Variants in THSD4 observed in about 807,000 individuals in gnomAD.
THSD4 encodes thrombospondin type 1 domain containing 4, also known as thrombospondin type-1 domain-containing protein 4.
THSD4 carries 69 observed loss-of-function variants against 119.0 expected under a neutral mutation model. The ratio of observed to expected loss-of-function variants is 0.58; its 90% CI spans 0.48 to 0.71. The LOEUF is 0.71. Among genes scored for constraint, THSD4 ranks in the 30% least tolerant of loss-of-function variants. THSD4 has a pLI of 0.00. For synonymous variants in THSD4, 524 were observed against 540.4 expected, an observed-to-expected ratio of 0.97 and a Z score of 0.42; for missense variants, 1,393 against 1,391.1, an observed-to-expected ratio of 1.00 and a Z score of -0.02.
chr15:71,593,860 C>T (rs575831348), intron 7 of THSD4, among the ~76,000 whole-genome samples: 27 of 152,096 alleles, frequency 1.8e-4, no homozygotes, highest in Admixed American at 5.2e-4. Context: ...GCCATGATTG[C>T]GCCACTGCAC....
At chr15:71,123,718 G>C (rs2040429113) in intron 1 of THSD4, among the ~76,000 whole-genome samples, 3 of 152,188 alleles carry the variant, frequency 2.0e-5, no homozygotes, top group African/African-American at 7.2e-5. Flanking sequence ...GGTGGGATCT[G>C]CCTCCCAACA....
intron 7 of THSD4, among the ~76,000 whole-genome samples, chr15:71,568,057 G>C (rs1440883138): frequency 6.6e-6 from 1 of 151,998 alleles, no homozygotes; most frequent in Non-Finnish European, 1.5e-5. Context: ...TCTTGGTATA[G>C]GATGAGTATA....
intron 7 of THSD4, among the ~76,000 whole-genome samples, chr15:71,494,824 A>G (rs2047985535): frequency 6.6e-6 from 1 of 152,222 alleles, no homozygotes; most frequent in African/African-American, 2.4e-5. Flanking sequence ...TATTTATGTC[A>G]CAAGAAGCAG....
intron 7 of THSD4, among the ~76,000 whole-genome samples, chr15:71,446,491 G>A (rs2047182951): frequency 6.6e-6 from 1 of 152,092 alleles, no homozygotes; most frequent in Admixed American, 6.5e-5. Context: ...AATACCTCTA[G>A]TTTTCCAAAC....
chr15:71,579,950 G>A (rs13379972), intron 7 of THSD4, among the ~76,000 whole-genome samples: 28,735 of 151,806 alleles, frequency 0.19, 3,226 homozygotes, highest in Non-Finnish European at 0.25. Context: ...TGACGAATTT[G>A]TCATTCACCT....
chr15:71,536,719 G>C (rs910746122), intron 7 of THSD4, among the ~76,000 whole-genome samples: 2 of 151,974 alleles, frequency 1.3e-5, no homozygotes, highest in Non-Finnish European at 2.9e-5. Context: ...ATCTCTCTTA[G>C]CAGTTTCCAA....
At chr15:71,466,306 C>T (rs1427627793) in intron 7 of THSD4, among the ~76,000 whole-genome samples, 1 of 151,054 alleles carries the variant, frequency 6.6e-6, no homozygotes, top group East Asian at 1.9e-4. Context: ...GATTGCACCA[C>T]TGCACTCCAG....
intron 6 of THSD4, among the ~76,000 whole-genome samples, chr15:71,393,393 C>G (rs753722024): frequency 6.6e-6 from 1 of 152,014 alleles, no homozygotes; most frequent in African/African-American, 2.4e-5. Context: ...TGATCACTTT[C>G]CATACTTGCC....
intron 7 of THSD4, among the ~76,000 whole-genome samples, chr15:71,657,379 C>T (rs1390263257): frequency 6.6e-6 from 1 of 152,214 alleles, no homozygotes; most frequent in Non-Finnish European, 1.5e-5. Flanking sequence ...TAGTCCAATT[C>T]TTCCCTCATT....
At chr15:71,621,943 C>T (rs2050425442) in intron 7 of THSD4, among the ~76,000 whole-genome samples, 2 of 152,200 alleles carry the variant, frequency 1.3e-5, no homozygotes, top group South Asian at 4.1e-4. Flanking sequence ...TCTTTGTAAT[C>T]ATGATATATT....
In THSD4 at chr15:71,118,266, C is replaced by T. The variant is rs528899514; in HGVS notation, c.-80+2568C>T. 2.4e-4 allele frequency among the ~76,000 whole-genome samples: 36 copies of T among 152,302 alleles called. No individual in the cohort carries two copies. In the South Asian group the frequency reaches 6.4e-3, roughly 27 times the overall value. On this transcript the variant is annotated intron_variant, in intron 1 of 17. Coordinates refer to ENST00000261862, the MANE Select transcript of THSD4 (RefSeq NM_024817.3). ...TTTATTGATCCAAGAGCCATCCCAA[C>T]GCCTTCCTGCTTGAAGGCCATCCCT...
intron 7 of THSD4, among the ~76,000 whole-genome samples, chr15:71,448,374 T>C (rs1456560189): frequency 6.6e-6 from 1 of 152,214 alleles, no homozygotes; most frequent in Non-Finnish European, 1.5e-5. Flanking sequence ...ATCTCAAGTC[T>C]AACTCCCTTA....
At position 71,603,064 on chromosome 15, in the gene THSD4, G is replaced by A. The variant is rs575933942; in HGVS notation, c.1153-57466G>A. Among the ~76,000 whole-genome samples the A allele has an allele frequency of 9.1e-4, 138 of 152,306 alleles. 2 individuals are homozygous for A. In the Middle Eastern group the frequency reaches 0.017, roughly 19 times the overall value. On this transcript the variant is annotated intron_variant, in intron 7 of 17. Coordinates refer to ENST00000261862, the MANE Select transcript of THSD4 (RefSeq NM_024817.3). ...TTTCAGGACCTGTGAGGGCTTAGCGGTGAGGTTGGCTACAAACTTTTGGTC... is the reference window on the plus strand; with the variant it reads ...TTTCAGGACCTGTGAGGGCTTAGCGATGAGGTTGGCTACAAACTTTTGGTC...
rs1233768841 is a variant in THSD4, at chr15:71,782,528, G to A, written c.*5154G>A. On this transcript the variant is annotated 3_prime_UTR_variant, in exon 18 of 18. Coordinates refer to ENST00000261862, the MANE Select transcript of THSD4 (RefSeq NM_024817.3). ...TACACCAAAATAGTTCTATTATTTA[G>A]AATGTGTTAATTTTAAAGGGACCTG... 2 of 152,168 alleles carry A rather than the reference G, an allele frequency of 1.3e-5. No individual in the cohort carries two copies. Among genetic ancestry groups the A allele is most frequent in the Non-Finnish European group, 2.9e-5 (2 of 68,034 alleles). 9.4% of individuals were successfully genotyped at this position (152,168 alleles called of 1,614,324 possible).
intron 6 of THSD4, among the ~76,000 whole-genome samples, chr15:71,290,610 A>G (rs1445342290): frequency 1.3e-5 from 2 of 152,240 alleles, no homozygotes; most frequent in African/African-American, 4.8e-5. Context: ...TTTGATTACT[A>G]AGAAGTGCAG....
intron 7 of THSD4, among the ~76,000 whole-genome samples, chr15:71,658,153 C>G (rs183542446): frequency 1.3e-5 from 2 of 152,308 alleles, no homozygotes; most frequent in Admixed American, 1.3e-4. Context: ...CAAGTCTGAG[C>G]ATGGCTCTCC....
At chr15:71,506,916 T>C (rs2048198713) in intron 7 of THSD4, among the ~76,000 whole-genome samples, 2 of 152,350 alleles carry the variant, frequency 1.3e-5, no homozygotes, top group East Asian at 1.9e-4. Context: ...CCATGCAAGT[T>C]AGTTTGGTTC....
At chr15:71,707,451 T>C (rs2052416151) in intron 8 of THSD4, among the ~76,000 whole-genome samples, 1 of 152,196 alleles carries the variant, frequency 6.6e-6, no homozygotes, top group African/African-American at 2.4e-5. Flanking sequence ...AACATGTGAA[T>C]ATCAGAGATA....
intron 7 of THSD4, among the ~76,000 whole-genome samples, chr15:71,555,166 T>C (rs1273822972): frequency 6.6e-6 from 1 of 152,226 alleles, no homozygotes; most frequent in East Asian, 1.9e-4. Flanking sequence ...ACTTCCAGAA[T>C]GCAGTACTGA....
Sources: allele counts gnomAD v4.1 joint callset (sites outside exome capture counted in the v4.1 genomes callset), GRCh38; gene constraint gnomAD v4.1.1; transcripts MANE v1.5; gene names NCBI Gene and HGNC (gene_info 2026-07-23, HGNC 2026-07-21).